Variants in SH2B1 observed in about 807,000 individuals in gnomAD.
The protein encoded by SH2B1 is SH2B adaptor protein 1.
A neutral mutation model predicts 62.6 loss-of-function variants in SH2B1; 15 were observed. That is an observed-to-expected ratio of 0.24 (90% CI 0.16 to 0.37). The LOEUF is 0.37. Ranked by LOEUF, SH2B1 falls within the 10% of genes least tolerant of loss-of-function variation. The pLI is 1.00. For missense variants in SH2B1, 925 were observed against 1,015.6 expected (o/e 0.91, Z 1.21); for synonymous variants, 443 against 438.0 (o/e 1.01, Z -0.14).
Position 28,866,025 on chromosome 16 carries a change from C to T in SH2B1, c.-70C>T, listed in dbSNP as rs1197998692. 3 of 1,502,652 alleles carry T rather than the reference C, an allele frequency of 2.0e-6. No homozygotes were observed. Among genetic ancestry groups the T allele is most frequent in the East Asian group, 2.3e-5 (1 of 43,920 alleles). 93.1% of individuals were successfully genotyped at this position (1,502,652 alleles called of 1,614,324 possible). On this transcript the variant is annotated 5_prime_UTR_variant, in exon 1 of 8. Coordinates refer to ENST00000684370, the MANE Select transcript of SH2B1 (RefSeq NM_001387430.1). The surrounding 1 kb of genome is among the most constrained non-coding windows in gnomAD (Gnocchi z 6.3). ...TTCCTTTCGCAGCTGCTGCCGCCCACCCCTCGTCTTCTGGCTGCCTCCCTC... is the reference window on the plus strand; with the variant it reads ...TTCCTTTCGCAGCTGCTGCCGCCCATCCCTCGTCTTCTGGCTGCCTCCCTC...
At position 28,873,244 on chromosome 16, in the gene SH2B1, A is replaced by G; in HGVS notation, c.1898-203A>G. ...CCACCCCGATGCCTCCTGCACCCTCATGCCCTTCGGAGCGAGTGACTGTGT... is the reference window on the plus strand; with the variant it reads ...CCACCCCGATGCCTCCTGCACCCTCGTGCCCTTCGGAGCGAGTGACTGTGT... On this transcript the variant is annotated intron_variant, in intron 7 of 7. Transcript: ENST00000684370. The surrounding 1 kb of genome is among the most constrained non-coding windows in gnomAD (Gnocchi z 4.2). 1 of 1,607,728 alleles carries G rather than the reference A, an allele frequency of 6.2e-7. No homozygotes were observed.
Position 28,872,377 on chromosome 16 carries a change from C to T in SH2B1, c.1701C>T (p.Thr567=), listed in dbSNP as rs751447970. 1 of 1,608,494 alleles carries T rather than the reference C, an allele frequency of 6.2e-7. No homozygotes were observed. The highest frequency in any genetic ancestry group is 1.3e-5 in the African/African-American group (1 of 74,880). The change falls in exon 6 of 8, where the codon ACC becomes ACT. Residue 567 remains threonine, a synonymous_variant. Coordinates refer to ENST00000684370, the MANE Select transcript of SH2B1 (RefSeq NM_001387430.1). This position sits in a 1 kb window ranked among gnomAD's most constrained non-coding sequence, Gnocchi z 5.3. ...CAAGGCGGGGTGAATACGTCCTCAC[C>T]TTCAACTTCCAGGGCAAGGCCAAGG... ...SETRRGEYVL[T]FNFQGKAKHL...
rs781756097 is a variant in SH2B1 at position 28,872,628 on chromosome 16, A to G, written c.1820A>G (p.His607Arg). Residue 607 changes from histidine (H) to arginine (R), a missense_variant, in exon 7 of 8, where the codon CAC becomes CGC. His to Arg is a conservative substitution (Grantham distance 29, BLOSUM62 0). This residue lies in a region of SH2B1 where 57 missense variants were observed against 122.1 expected (regional missense o/e 0.47). Transcript: ENST00000684370. The surrounding 1 kb of genome is among the most constrained non-coding windows in gnomAD (Gnocchi z 5.3). ...IFDMLEHFRVHPIPLESGGSS... is the reference protein window; with the variant it reads ...IFDMLEHFRVRPIPLESGGSS... Reference sequence around the variant, plus strand: ...GATATGCTCGAGCACTTCCGGGTGCACCCCATCCCTTTGGAGTCGGGAGGC... The same window carrying G: ...GATATGCTCGAGCACTTCCGGGTGCGCCCCATCCCTTTGGAGTCGGGAGGC... 91 of 1,613,992 alleles carry G rather than the reference A, an allele frequency of 5.6e-5. No individual in the cohort carries two copies. The highest frequency in any genetic ancestry group is 7.7e-5 in the Non-Finnish European group (91 of 1,180,028).
intron 1 of SH2B1, among the ~76,000 whole-genome samples, chr16:28,848,149 A>G (rs1192776446): frequency 1.3e-5 from 2 of 151,540 alleles, no homozygotes; most frequent in African/African-American, 4.8e-5. Flanking sequence ...TCTCTATAAA[A>G]ATATTTTGGC....
upstream of SH2B1, among the ~76,000 whole-genome samples, chr16:28,860,138 A>G (rs1379221290): frequency 3.3e-5 from 5 of 152,068 alleles, no homozygotes; most frequent in Non-Finnish European, 7.4e-5. Flanking sequence ...ATAGAAACAA[A>G]CAAGCAAACC....
intron 4 of SH2B1, among the ~76,000 whole-genome samples, chr16:28,870,634 CT>C (rs542161704): frequency 1.1e-3 from 150 of 142,562 alleles, no homozygotes; most frequent in East Asian, 2.8e-3. Context: ...CAAAGGACAC[CT>C]TTTTTTTTTT....
At chr16:28,867,532 G>A in intron 2 of SH2B1, 100 bp downstream of exon 2, 1 of 845,906 alleles carries the variant, frequency 1.2e-6, no homozygotes, top group Non-Finnish European at 2.0e-6. Flanking sequence ...GTATATATAT[G>A]TGTCCAGTGC....
In SH2B1 at chr16:28,866,032, TCTTCTGGCTGCCTCC is replaced by T; in HGVS notation, c.-60_-46del. 6.7e-7 allele frequency: 1 copy of T among 1,503,232 alleles called. No homozygotes were observed. The highest frequency in any genetic ancestry group is 1.3e-5 in the South Asian group (1 of 75,366). The allele number at this position is 1,503,232 out of a possible 1,614,324, so 93.1% of individuals were successfully genotyped here. ...CGCAGCTGCTGCCGCCCACCCCTCG[TCTTCTGGCTGCCTCC>T]CTCTTTGTGCCCCACAGGCTCCCCC... is the stretch of plus-strand genomic sequence containing the variant. On this transcript the variant is annotated 5_prime_UTR_variant, in exon 1 of 8. Coordinates refer to ENST00000684370, the MANE Select transcript of SH2B1 (RefSeq NM_001387430.1). This position sits in a 1 kb window ranked among gnomAD's most constrained non-coding sequence, Gnocchi z 6.3.
intron 3 of SH2B1, 55 bp downstream of exon 3, chr16:28,869,152 C>T (rs1962893663): frequency 1.2e-6 from 2 of 1,613,536 alleles, no homozygotes; most frequent in African/African-American, 1.3e-5. Flanking sequence ...GGGGAGCAGC[C>T]TTGCGCCTCT....
In SH2B1 at chr16:28,872,236, G is replaced by C. The variant is rs1250602894; in HGVS notation, c.1560G>C (p.Gln520His). The change falls in exon 6 of 8, where the codon CAG becomes CAC. Residue 520 changes from glutamine to histidine, a missense_variant. Physicochemically the swap from Gln to His is conservative, Grantham distance 24. Transcript: ENST00000684370. The surrounding 1 kb of genome is among the most constrained non-coding windows in gnomAD (Gnocchi z 5.3). The stretch of plus-strand genomic sequence containing the variant: ...AGCCAGAGGGCGGTGAGGGGGACCA[G>C]CCCCTCTCAGGGTATCCTTGGTTCC... ...QGEPEGGEGD[Q>H]PLSGYPWFHG... 1 of 1,613,904 alleles carries C rather than the reference G, an allele frequency of 6.2e-7. No individual in the cohort carries two copies. The highest frequency in any genetic ancestry group is 8.5e-7 in the Non-Finnish European group (1 of 1,179,864).
At chr16:28,848,758 A>G (rs1037692561) in intron 1 of SH2B1, among the ~76,000 whole-genome samples, 1 of 140,156 alleles carries the variant, frequency 7.1e-6, no homozygotes, top group African/African-American at 2.8e-5. Flanking sequence ...TGCAACCTCC[A>G]TCTCCCAGGT....
At chr16:28,849,908 G>A (rs1453924678) in intron 1 of SH2B1, among the ~76,000 whole-genome samples, 1 of 151,636 alleles carries the variant, frequency 6.6e-6, no homozygotes, top group East Asian at 1.9e-4. Flanking sequence ...GGGTGACAGA[G>A]CGAGACTCTG....
chr16:28,866,133 C>A lies in SH2B1; in HGVS notation c.39C>A (p.Pro13=). Residue 13 remains proline, a synonymous_variant, in exon 1 of 8, where the codon CCC becomes CCA. Transcript: ENST00000684370. The surrounding 1 kb of genome is among the most constrained non-coding windows in gnomAD (Gnocchi z 6.3). ...CTTCCCCAGAGGACGGGGCCTCCCC[C>A]TCGTCTCCCCCGCTGCCCCCACCCC... ...GAPSPEDGAS[P]SSPPLPPPPP... is the part of the protein sequence containing the mutation. 2.5e-6 allele frequency: 4 copies of A among 1,572,848 alleles called. No individual in the cohort carries two copies. The highest frequency in any genetic ancestry group is 3.4e-6 in the Non-Finnish European group (4 of 1,161,802).
Position 28,865,384 on chromosome 16 carries a change from C to T in SH2B1, c.-711C>T, listed in dbSNP as rs532021840. The T allele has an allele frequency of 4.8e-4, 469 of 985,654 alleles. No homozygotes were observed. Among genetic ancestry groups the T allele is most frequent in the Non-Finnish European group, 5.2e-4 (431 of 829,996 alleles). 61.1% of individuals were successfully genotyped at this position (985,654 alleles called of 1,614,324 possible). A position where few individuals can be genotyped will look rare whatever the true frequency, so the allele number is the denominator to read the frequency against. On this transcript the variant is annotated 5_prime_UTR_variant, in exon 1 of 8. Coordinates refer to ENST00000684370, the MANE Select transcript of SH2B1 (RefSeq NM_001387430.1). ...GCATCCATCCTCATTAATGAATCGGCCCCCTCCAAAGAGTTGGACCCTAAG... is the reference window on the plus strand; with the variant it reads ...GCATCCATCCTCATTAATGAATCGGTCCCCTCCAAAGAGTTGGACCCTAAG...
intron 4 of SH2B1, among the ~76,000 whole-genome samples, 199 bp downstream of exon 4, chr16:28,869,582 G>A (rs948102137): frequency 2.6e-5 from 4 of 152,048 alleles, no homozygotes; most frequent in African/African-American, 7.3e-5. Context: ...ATGACCCCAC[G>A]CAGGCCCCAA....
Position 28,865,298 on chromosome 16 carries a change from A to C in SH2B1, c.-797A>C. On this transcript the variant is annotated 5_prime_UTR_variant, in exon 1 of 8. Transcript: ENST00000684370. ...TAGCTATTTCACATCTCCTTCACGC[A>C]GTGCGTGGGTGCTGGACTCTGGGGT... The C allele has an allele frequency of 2.0e-6, 2 of 985,682 alleles. No homozygotes were observed. Among genetic ancestry groups the C allele is most frequent in the Non-Finnish European group, 1.2e-6 (1 of 829,976 alleles). The allele number at this position is 985,682 out of a possible 1,614,324, so 61.1% of individuals were successfully genotyped here. A position where few individuals can be genotyped will look rare whatever the true frequency, so the allele number is the denominator to read the frequency against.
chr16:28,857,480 T>A (rs1470663054), intron 1 of SH2B1, among the ~76,000 whole-genome samples: 1 of 152,020 alleles, frequency 6.6e-6, no homozygotes, highest in African/African-American at 2.4e-5. Flanking sequence ...TTAAAAATAG[T>A]AAAGATGTAA....
At chr16:28,867,550 GTGTGTCC>G in intron 2 of SH2B1, 118 bp downstream of exon 2, 1 of 747,150 alleles carries the variant, frequency 1.3e-6, no homozygotes. Context: ...TGCCTTGAGA[GTGTGTCC>G]CTGGGGCTGC....
At chr16:28,852,221 C>CATATATATTTACAT (rs1555509754) in intron 1 of SH2B1, among the ~76,000 whole-genome samples, 2 of 39,428 alleles carry the variant, frequency 5.1e-5, no homozygotes, top group Admixed American at 2.9e-4. Context: ...TATATATTTA[C>CATATATATTTACAT]ATATATATTT....
Sources: allele counts gnomAD v4.1 joint callset (sites outside exome capture counted in the v4.1 genomes callset), GRCh38; gene constraint gnomAD v4.1.1; regional missense constraint gnomAD v4.1.1; non-coding constraint Gnocchi (gnomAD v3.1); transcripts MANE v1.5; gene names NCBI Gene and HGNC (gene_info 2026-07-23, HGNC 2026-07-21).